The following CSMD1 variants were observed in gnomAD, a reference collection of about 807,000 sequenced individuals.
The protein encoded by CSMD1 is CUB and Sushi multiple domains 1.
In CSMD1, 213 loss-of-function variants were observed where a neutral mutation model predicts 417.5. The observed-to-expected ratio is 0.51, with a 90% CI of 0.46 to 0.57. The LOEUF is 0.57. CSMD1 is among the 20% of genes least tolerant of loss of function. CSMD1 has a pLI of 0.00. For synonymous variants in CSMD1, 2,862 were observed against 1,736.8 expected, an observed-to-expected ratio of 1.65 and a Z score of -16.11; for missense variants, 6,923 against 4,529.7, an observed-to-expected ratio of 1.53 and a Z score of -15.17.
At chr8:4,929,239 G>C (rs899467660) in intron 1 of CSMD1, among the ~76,000 whole-genome samples, 3 of 152,276 alleles carry the variant, frequency 2.0e-5, no homozygotes, top group Middle Eastern at 3.4e-3. Flanking sequence ...AAGCCAGCGA[G>C]AGAGGCTGCA....
At chr8:4,634,380 C>T (rs530786813) in intron 2 of CSMD1, among the ~76,000 whole-genome samples, 6 of 151,456 alleles carry the variant, frequency 4.0e-5, no homozygotes, top group Admixed American at 2.0e-4. Flanking sequence ...AAGTTTATTT[C>T]GAAAAAAAAT....
chr8:4,113,702 C>G (rs1801981434), intron 3 of CSMD1, among the ~76,000 whole-genome samples: 1 of 152,176 alleles, frequency 6.6e-6, no homozygotes, highest in African/African-American at 2.4e-5. Context: ...CCGCGCCCAG[C>G]CAGTGCTACT....
intron 1 of CSMD1, among the ~76,000 whole-genome samples, chr8:4,863,265 A>G (rs918999651): frequency 2.7e-4 from 41 of 152,226 alleles, no homozygotes; most frequent in African/African-American, 8.7e-4. Flanking sequence ...GAGAATACAT[A>G]TACAAATTTT....
chr8:4,787,784 G>C, intron 1 of CSMD1: 3 of 1,573,130 alleles, frequency 1.9e-6, no homozygotes, highest in South Asian at 1.1e-5. Context: ...CTTGTTACAG[G>C]CCAGACTGAA....
At chr8:3,221,810 T>A (rs971173383) in intron 28 of CSMD1, among the ~76,000 whole-genome samples, 5 of 151,880 alleles carry the variant, frequency 3.3e-5, no homozygotes, top group African/African-American at 9.7e-5. Context: ...TCCTCTCTCA[T>A]CCACAGCCCT....
At chr8:4,111,621 G>C (rs987318441) in intron 3 of CSMD1, among the ~76,000 whole-genome samples, 2 of 152,130 alleles carry the variant, frequency 1.3e-5, no homozygotes, top group African/African-American at 4.8e-5. Flanking sequence ...CCTTTGTAGG[G>C]ACGTGGATGG....
chr8:4,381,481 C>A (rs567064240), intron 3 of CSMD1, among the ~76,000 whole-genome samples: 6 of 152,130 alleles, frequency 3.9e-5, no homozygotes, highest in African/African-American at 1.4e-4. Flanking sequence ...CATTGTCTTC[C>A]AACTGGCAGG....
At chr8:3,978,093 G>C (rs1368363389) in intron 5 of CSMD1, among the ~76,000 whole-genome samples, 3 of 152,190 alleles carry the variant, frequency 2.0e-5, no homozygotes, top group Admixed American at 1.3e-4. Context: ...CGGTGTCTGT[G>C]AGAAAGTCTC....
chr8:2,947,484 CT>C (rs1226256881), intron 68 of CSMD1, among the ~76,000 whole-genome samples: 1 of 152,148 alleles, frequency 6.6e-6, no homozygotes, highest in Non-Finnish European at 1.5e-5. Context: ...ACTGTTTTTC[CT>C]GACAACAAGC....
intron 6 of CSMD1, among the ~76,000 whole-genome samples, chr8:3,750,909 C>T (rs761312260): frequency 6.6e-6 from 1 of 152,132 alleles, no homozygotes; most frequent in Non-Finnish European, 1.5e-5. Context: ...GAAAAATAAT[C>T]GTAGTGCCTT....
Position 4,833,919 on chromosome 8 carries a change from C to G in CSMD1, c.85+160413G>C, listed in dbSNP as rs576660614. On this transcript the variant is annotated intron_variant, in intron 1 of 69. Coordinates refer to ENST00000635120, the MANE Select transcript of CSMD1 (RefSeq NM_033225.6). ...GTCACTTGGATTGGTGTTCACCACC[C>G]ACCTCCTTGATTCCACAGCGGCCCC... Among the ~76,000 whole-genome samples, 7 of 152,252 alleles carry G rather than the reference C, an allele frequency of 4.6e-5. No homozygotes were observed. In the East Asian group the frequency reaches 1.4e-3, roughly 29 times the overall value.
At chr8:3,436,393 G>C (rs555635274) in intron 12 of CSMD1, among the ~76,000 whole-genome samples, 3 of 152,252 alleles carry the variant, frequency 2.0e-5, no homozygotes, top group Admixed American at 1.3e-4. Context: ...TGTCTGATTA[G>C]AATGTAAAAT....
intron 1 of CSMD1, among the ~76,000 whole-genome samples, chr8:4,702,903 T>C (rs1807674994): frequency 6.6e-6 from 1 of 152,200 alleles, no homozygotes; most frequent in East Asian, 1.9e-4. Context: ...ATTATGAATT[T>C]TCATCATAGA....
intron 7 of CSMD1, among the ~76,000 whole-genome samples, chr8:3,687,596 A>C (rs962151676): frequency 1.3e-5 from 2 of 152,018 alleles, no homozygotes; most frequent in Non-Finnish European, 2.9e-5. Context: ...TCTTGTAGGG[A>C]TCTCTTTGAA....
At chr8:3,494,412 G>C (rs1045561042) in intron 10 of CSMD1, among the ~76,000 whole-genome samples, 1 of 152,094 alleles carries the variant, frequency 6.6e-6, no homozygotes, top group Non-Finnish European at 1.5e-5. Flanking sequence ...CCAATACTAT[G>C]AGGAAGAAAA....
chr8:4,633,172 C>T (rs563817887), intron 2 of CSMD1, among the ~76,000 whole-genome samples: 3 of 149,206 alleles, frequency 2.0e-5, no homozygotes, highest in Non-Finnish European at 4.5e-5. Flanking sequence ...AGGACAGGAG[C>T]CTTCGTAGGA....
At chr8:3,562,579 C>T (rs2116869764) in intron 10 of CSMD1, among the ~76,000 whole-genome samples, 1 of 152,176 alleles carries the variant, frequency 6.6e-6, no homozygotes, top group South Asian at 2.1e-4. Flanking sequence ...CCTTAATATG[C>T]TTATTTTTTT....
chr8:3,636,443 G>T (rs1797052378), intron 7 of CSMD1, among the ~76,000 whole-genome samples: 1 of 152,136 alleles, frequency 6.6e-6, no homozygotes, highest in African/African-American at 2.4e-5. Flanking sequence ...CTCCCACAGT[G>T]GTAGGATTAC....
intron 10 of CSMD1, among the ~76,000 whole-genome samples, chr8:3,546,260 T>G (rs77389962): frequency 0.019 from 2,430 of 128,550 alleles, 59 homozygotes; most frequent in African/African-American, 0.069. Flanking sequence ...CGTGAATTTT[T>G]CCTCTATTAT....
Sources: allele counts gnomAD v4.1 joint callset (sites outside exome capture counted in the v4.1 genomes callset), GRCh38; gene constraint gnomAD v4.1.1; transcripts MANE v1.5; gene names NCBI Gene and HGNC (gene_info 2026-07-23, HGNC 2026-07-21).